Variants in KAT6B observed in about 807,000 individuals in gnomAD.
KAT6B encodes lysine acetyltransferase 6B, also known as histone acetyltransferase KAT6B.
In KAT6B, 10 loss-of-function variants were observed where a neutral mutation model predicts 187.5. That is an observed-to-expected ratio of 0.05 (90% confidence interval 0.03 to 0.09). KAT6B has a LOEUF of 0.09. KAT6B is among the 10% of genes least tolerant of loss of function. The pLI is 1.00. For missense variants in KAT6B, 1,952 were observed against 2,558.9 expected (o/e 0.76, Z 5.12); for synonymous variants, 861 against 926.8 (o/e 0.93, Z 1.29).
In KAT6B at chr10:75,022,014, G is replaced by C. The variant is rs368055515; in HGVS notation, c.3155G>C (p.Arg1052Pro). 13 of 1,614,040 alleles carry C rather than the reference G, an allele frequency of 8.1e-6. No individual in the cohort carries two copies. In the East Asian group the frequency reaches 1.6e-4, roughly 19 times the overall value. The stretch of plus-strand genomic sequence containing the variant: ...AAATATTTGCATTCCCCGGAGAGCC[G>C]GCCAGTCACAGGGGAGCGAGGGCAG... ...KNKYLHSPES[R>P]PVTGERGQLL... Residue 1052 changes from arginine (R) to proline (P), a missense_variant, in exon 16 of 18, where the codon CGG (arginine) becomes CCG (proline). Around this residue, in one of 9 missense-constraint regions of KAT6B, gnomAD observed 758 missense variants for 891.4 expected, o/e 0.85. Coordinates refer to ENST00000287239, the MANE Select transcript of KAT6B (RefSeq NM_012330.4).
chr10:74,945,828 G>C (rs1460058359), intron 3 of KAT6B, among the ~76,000 whole-genome samples: 47 of 152,196 alleles, frequency 3.1e-4, no homozygotes. Flanking sequence ...GTAAAGGTGA[G>C]TTGTTTTTTA....
intron 14 of KAT6B, 136 bp from the exon 15 acceptor site, chr10:75,020,989 GT>G (rs1212833392): frequency 1.8e-5 from 18 of 1,000,390 alleles, no homozygotes; most frequent in Non-Finnish European, 2.8e-5. Context: ...GGATTCCAGT[GT>G]TCTGTACCCT....
At chr10:74,964,278 C>T (rs1271783329) in intron 4 of KAT6B, among the ~76,000 whole-genome samples, 1 of 152,186 alleles carries the variant, frequency 6.6e-6, no homozygotes, top group African/African-American at 2.4e-5. Flanking sequence ...GTAATAGTGA[C>T]CTCTTTGTAG....
At chr10:75,026,150 A>G (rs1220492473) in intron 17 of KAT6B, 1 of 151,502 alleles carries the variant, frequency 6.6e-6, no homozygotes, top group African/African-American at 2.4e-5. Context: ...TTTCTCAAAA[A>G]AAAAAAAAAA....
chr10:74,893,546 T>C (rs1845785046), intron 3 of KAT6B, among the ~76,000 whole-genome samples: 1 of 151,726 alleles, frequency 6.6e-6, no homozygotes, highest in South Asian at 2.1e-4. Context: ...CTCAGCTCAC[T>C]GCAACCTCCA....
chr10:74,946,870 A>G (rs1839986287), intron 3 of KAT6B, among the ~76,000 whole-genome samples: 1 of 152,200 alleles, frequency 6.6e-6, no homozygotes, highest in South Asian at 2.1e-4. Flanking sequence ...TATGTAAAAT[A>G]TGGCTCAACT....
At chr10:74,863,017 C>G (rs907308817) in intron 3 of KAT6B, among the ~76,000 whole-genome samples, 1 of 152,166 alleles carries the variant, frequency 6.6e-6, no homozygotes, top group East Asian at 1.9e-4. Context: ...GTGGCTCCTT[C>G]CACCCCACCT....
chr10:75,028,507 C>G lies in KAT6B; in HGVS notation c.3683C>G (p.Ser1228Ter). ...DPCRNNMNDD[S>*]SNLKEGSKDN... Reference sequence around the variant, plus strand: ...CACTAAGACAATATGAATGATGATTCAAGTAACTTGAAAGAAGGCAGTAAA... The same window carrying G: ...CACTAAGACAATATGAATGATGATTGAAGTAACTTGAAAGAAGGCAGTAAA... Residue 1228 changes from serine (S) to a stop codon, truncating the protein, a stop_gained, in exon 18 of 18, where the codon TCA becomes TGA. Coordinates refer to ENST00000287239, the MANE Select transcript of KAT6B (RefSeq NM_012330.4). LOFTEE classifies it high-confidence loss of function. 1.2e-6 allele frequency: 2 copies of G among 1,614,028 alleles called. No homozygotes were observed. Among genetic ancestry groups the G allele is most frequent in the East Asian group, 4.5e-5 (2 of 44,884 alleles).
At chr10:74,979,371 T>C (rs1283543699) in intron 10 of KAT6B, 32 bp downstream of exon 10, 1 of 1,353,958 alleles carries the variant, frequency 7.4e-7, no homozygotes, top group Admixed American at 1.7e-5. Flanking sequence ...GTGTATAACT[T>C]GAATGTCACA....
At chr10:74,893,054 C>T (rs137941894) in intron 3 of KAT6B, among the ~76,000 whole-genome samples, 350 of 152,294 alleles carry the variant, frequency 2.3e-3, no homozygotes, top group African/African-American at 7.9e-3. Flanking sequence ...GGGCTAGGCC[C>T]GCAGCAGAAA....
chr10:74,904,535 A>G (rs1047720295), intron 3 of KAT6B, among the ~76,000 whole-genome samples: 3 of 152,220 alleles, frequency 2.0e-5, no homozygotes, highest in African/African-American at 7.2e-5. Context: ...GTGTATGCTC[A>G]TAGGGAGAGA....
At chr10:74,936,865 A>G (rs935713075) in intron 3 of KAT6B, among the ~76,000 whole-genome samples, 2 of 152,228 alleles carry the variant, frequency 1.3e-5, no homozygotes, top group Admixed American at 6.5e-5. Flanking sequence ...CCAGTTTTGT[A>G]TAATAAAATT....
chr10:75,017,655 C>G (rs569550638), intron 13 of KAT6B, among the ~76,000 whole-genome samples: 9 of 152,112 alleles, frequency 5.9e-5, no homozygotes, highest in African/African-American at 2.2e-4. Flanking sequence ...GCAAGAAATT[C>G]GTTTTTTAAA....
At chr10:74,886,825 A>T (rs1845313165) in intron 3 of KAT6B, among the ~76,000 whole-genome samples, 1 of 152,150 alleles carries the variant, frequency 6.6e-6, no homozygotes, top group Non-Finnish European at 1.5e-5. Context: ...ACCAGAGCTC[A>T]CTTCACCCTG....
rs186338040 is a variant in KAT6B, at chr10:74,832,297, C to G, written c.-329+5512C>G. ...TTAACAAAGAATCCTGTAATAATCT[C>G]TCTTTCAAAAGAATCATAAAAAAGT... On this transcript the variant is annotated intron_variant, in intron 1 of 17. Transcript: ENST00000287239. 2.8e-3 allele frequency among the ~76,000 whole-genome samples: 424 copies of G among 152,246 alleles called. 2 individuals carry two copies. Among genetic ancestry groups the G allele is most frequent in the African/African-American group, 9.6e-3 (399 of 41,524 alleles).
intron 17 of KAT6B, among the ~76,000 whole-genome samples, chr10:75,027,929 C>G (rs55752980): frequency 6.6e-6 from 1 of 152,112 alleles, no homozygotes; most frequent in Non-Finnish European, 1.5e-5. Flanking sequence ...TAGTTATTTA[C>G]TGATTTGTTT....
intron 3 of KAT6B, among the ~76,000 whole-genome samples, chr10:74,931,597 T>A (rs1848880538): frequency 6.6e-6 from 1 of 152,222 alleles, no homozygotes; most frequent in African/African-American, 2.4e-5. Flanking sequence ...TAGAAAATAA[T>A]GAAATTCTTG....
intron 3 of KAT6B, among the ~76,000 whole-genome samples, chr10:74,949,210 G>A (rs1840147704): frequency 6.6e-6 from 1 of 152,192 alleles, no homozygotes; most frequent in African/African-American, 2.4e-5. Flanking sequence ...CTGTAACCAT[G>A]TGTTGAATTT....
intron 3 of KAT6B, among the ~76,000 whole-genome samples, chr10:74,920,096 C>T (rs1427313567): frequency 6.6e-6 from 1 of 152,082 alleles, no homozygotes; most frequent in East Asian, 1.9e-4. Flanking sequence ...TGATTACATC[C>T]TGGATGTTGT....
Sources: allele counts gnomAD v4.1 joint callset (sites outside exome capture counted in the v4.1 genomes callset), GRCh38; gene constraint gnomAD v4.1.1; regional missense constraint gnomAD v4.1.1; transcripts MANE v1.5; gene names NCBI Gene and HGNC (gene_info 2026-07-23, HGNC 2026-07-21).